AFF1: variants seen among roughly 807,000 people sequenced by gnomAD.
The protein encoded by AFF1 is ALF transcription elongation factor 1.
AFF1 carries 48 observed loss-of-function variants against 121.7 expected under a neutral mutation model. That is an observed-to-expected ratio of 0.39 (90% CI 0.31 to 0.50). AFF1 has a LOEUF of 0.50. Ranked by LOEUF, AFF1 falls within the 20% of genes least tolerant of loss-of-function variation. AFF1 has a pLI of 0.76. For missense variants in AFF1, 1,523 were observed against 1,511.7 expected, an observed-to-expected ratio of 1.01 and a Z score of -0.12; for synonymous variants, 613 against 563.0, an observed-to-expected ratio of 1.09 and a Z score of -1.26.
intron 4 of AFF1, among the ~76,000 whole-genome samples, chr4:87,070,975 CA>C (rs1230219306): frequency 6.6e-6 from 1 of 152,180 alleles, no homozygotes. Flanking sequence ...AACGCCAAGA[CA>C]ACTGAGAAAC....
chr4:86,984,524 G>A (rs1029309277), intron 2 of AFF1, among the ~76,000 whole-genome samples: 1 of 151,928 alleles, frequency 6.6e-6, no homozygotes. Context: ...GGGTTTCACC[G>A]TGTTGCCCAG....
chr4:87,114,287 G>C, intron 11 of AFF1, 80 bp from the exon 12 acceptor site: 1 of 1,289,794 alleles, frequency 7.8e-7, no homozygotes, highest in Non-Finnish European at 1.1e-6. Context: ...GGACAGTGTT[G>C]TATAATTGGG....
At position 86,964,128 on chromosome 4, in the gene AFF1, G is replaced by GTT. The variant is rs571643813; in HGVS notation, c.38+15570_38+15571dup. 5.7e-3 allele frequency among the ~76,000 whole-genome samples: 759 copies of GTT among 132,024 alleles called. 6 individuals carry two copies. The highest frequency in any genetic ancestry group is 0.022 in the Middle Eastern group (5 of 226). 86.6% of individuals were successfully genotyped at this position (132,024 alleles called of 152,430 possible). A position where few individuals can be genotyped will look rare whatever the true frequency, so the allele number is the denominator to read the frequency against. On this transcript the variant is annotated intron_variant, in intron 2 of 20. Transcript: ENST00000395146. ...CCACCATGCCTGGGTTGTTCTTTTG[G>GTT]TTTTTTTTTTTTTTGAGATGGAGTC... is the stretch of plus-strand genomic sequence containing the variant.
chr4:87,037,856 G>A (rs1222593678), intron 2 of AFF1, among the ~76,000 whole-genome samples: 1 of 152,072 alleles, frequency 6.6e-6, no homozygotes, highest in East Asian at 1.9e-4. Context: ...TTTATGATGG[G>A]TACCAAGAAT....
chr4:87,111,404 A>G (rs1372849859), intron 11 of AFF1, among the ~76,000 whole-genome samples: 1 of 151,904 alleles, frequency 6.6e-6, no homozygotes, highest in Non-Finnish European at 1.5e-5. Flanking sequence ...CCCAGACTGG[A>G]GTGCAGTGGT....
chr4:87,020,844 G>T (rs113509114), intron 2 of AFF1: 17 of 984,670 alleles, frequency 1.7e-5, no homozygotes. Flanking sequence ...AAATTGTCCT[G>T]TTTGGCAATA....
intron 19 of AFF1, among the ~76,000 whole-genome samples, chr4:87,132,917 C>G (rs1426314495): frequency 6.6e-6 from 1 of 152,236 alleles, no homozygotes; most frequent in African/African-American, 2.4e-5. Flanking sequence ...TGGTATCGAA[C>G]TTGTCACCTC....
intron 4 of AFF1, among the ~76,000 whole-genome samples, chr4:87,055,202 A>G (rs1162650798): frequency 6.6e-6 from 1 of 152,204 alleles, no homozygotes; most frequent in African/African-American, 2.4e-5. Flanking sequence ...GAACCTGGCA[A>G]TCTTATGAAG....
rs192528628 is a variant in AFF1, at chr4:87,037,560, G to T, written c.39-8606G>T. 2.6e-3 allele frequency among the ~76,000 whole-genome samples: 388 copies of T among 152,138 alleles called. 5 individuals are homozygous for T. The highest frequency in any genetic ancestry group is 8.1e-3 in the African/African-American group (338 of 41,516). On this transcript the variant is annotated intron_variant, in intron 2 of 20. Transcript: ENST00000395146. ...ACTCCTGACCTCAAGTGATCTGCCC[G>T]CCTCGGCCTCCCAAAGTGCTGAGAT...
Position 87,081,152 on chromosome 4 carries a change from A to ATTTTTTTTTTTTTT in AFF1, c.1060-2954_1060-2941dup, listed in dbSNP as rs549510832. Reference sequence around the variant, plus strand: ...TTGTAGTTTTTCTCTAATGAAATGAATTTTTTTTTTTTTTTTTTTTTTTTT... The same window carrying ATTTTTTTTTTTTTT: ...TTGTAGTTTTTCTCTAATGAAATGAATTTTTTTTTTTTTTTTTTTTTTTTTTTTTTTTTTTTTTT... On this transcript the variant is annotated intron_variant, in intron 4 of 20. Transcript: ENST00000395146. Among the ~76,000 whole-genome samples, 19 of 89,722 alleles carry ATTTTTTTTTTTTTT rather than the reference A, an allele frequency of 2.1e-4. 2 individuals carry two copies. The highest frequency in any genetic ancestry group is 8.4e-4 in the African/African-American group (19 of 22,708). The allele number at this position is 89,722 out of a possible 152,430, so 58.9% of individuals were successfully genotyped here. A position where few individuals can be genotyped will look rare whatever the true frequency, so the allele number is the denominator to read the frequency against.
At chr4:86,990,718 A>C (rs1016025938) in intron 2 of AFF1, among the ~76,000 whole-genome samples, 5 of 152,200 alleles carry the variant, frequency 3.3e-5, no homozygotes, top group African/African-American at 1.2e-4. Flanking sequence ...GGCTGCCCCA[A>C]ATGGTGTGTT....
At chr4:86,988,187 T>C (rs1441970940) in intron 2 of AFF1, among the ~76,000 whole-genome samples, 2 of 152,136 alleles carry the variant, frequency 1.3e-5, no homozygotes, top group Non-Finnish European at 2.9e-5. Context: ...CTGGGAACAT[T>C]TCAAACCTTC....
chr4:87,046,581 A>G (rs1730713221), intron 3 of AFF1, 114 bp from the exon 4 acceptor site: 7 of 1,156,760 alleles, frequency 6.1e-6, no homozygotes, highest in Non-Finnish European at 7.3e-6. Context: ...ATTAAATTCT[A>G]CATGTCGTAC....
At chr4:87,108,354 A>G (rs749573728) in intron 11 of AFF1, 39 bp downstream of exon 11, 1 of 1,599,958 alleles carries the variant, frequency 6.3e-7, no homozygotes, top group African/African-American at 1.3e-5. Flanking sequence ...CTTAGATGGC[A>G]GCATTCTGTC....
rs1004984834 is a variant in AFF1, at chr4:86,935,053, C to A, written c.-224C>A. The stretch of plus-strand genomic sequence containing the variant: ...CGGGCGCGCGCGGCCCCTGCGCACT[C>A]GGCCGCCGCCTGCGCGCGTTGCGGC... On this transcript the variant is annotated 5_prime_UTR_variant, in exon 1 of 21. Coordinates refer to ENST00000395146, the MANE Select transcript of AFF1 (RefSeq NM_001166693.3). 1 of 151,942 alleles carries A rather than the reference C, an allele frequency of 6.6e-6. No homozygotes were observed. The highest frequency in any genetic ancestry group is 1.5e-5 in the Non-Finnish European group (1 of 67,970). 9.4% of individuals were successfully genotyped at this position (151,942 alleles called of 1,614,324 possible).
intron 8 of AFF1, 100 bp downstream of exon 8, chr4:87,095,069 A>G: frequency 1.8e-6 from 2 of 1,141,996 alleles, no homozygotes; most frequent in East Asian, 2.5e-5. Context: ...ATGTAATGAC[A>G]TTAATAAGAC....
intron 2 of AFF1, among the ~76,000 whole-genome samples, chr4:86,989,774 C>T (rs1578909860): frequency 6.6e-6 from 1 of 152,256 alleles, no homozygotes; most frequent in East Asian, 1.9e-4. Flanking sequence ...TTGGAACCAA[C>T]CCAAAAGCCC....
At chr4:87,030,847 A>G (rs1729004798) in intron 2 of AFF1, among the ~76,000 whole-genome samples, 1 of 152,128 alleles carries the variant, frequency 6.6e-6, no homozygotes, top group Non-Finnish European at 1.5e-5. Flanking sequence ...CATTCCCAAG[A>G]TTGAGCCTCT....
intron 4 of AFF1, among the ~76,000 whole-genome samples, chr4:87,060,516 C>CG (rs1242739085): frequency 6.6e-6 from 1 of 152,094 alleles, no homozygotes; most frequent in African/African-American, 2.4e-5. Context: ...TAGACCACAA[C>CG]GGTATCATTA....
Sources: gnomAD v4.1 joint callset for allele counts (sites outside exome capture counted in the v4.1 genomes callset) on GRCh38, gnomAD v4.1.1 for gene constraint, MANE v1.5 for transcripts, NCBI Gene and HGNC (gene_info 2026-07-23, HGNC 2026-07-21) for gene names.